FAT3: variants seen among roughly 807,000 people sequenced by gnomAD.
FAT3 encodes the protein FAT atypical cadherin 3, also known as protocadherin Fat 3.
FAT3 carries 95 observed loss-of-function variants against 310.2 expected under a neutral mutation model. The ratio of observed to expected loss-of-function variants is 0.31; its 90% CI spans 0.26 to 0.36. FAT3 has a LOEUF of 0.36. Ranked by LOEUF, FAT3 falls within the 10% of genes least tolerant of loss-of-function variation. The probability of loss-of-function intolerance (pLI) is 1.00; values close to 1 mark genes in which losing one functional copy is unlikely to be tolerated. For synonymous variants in FAT3, 2,314 were observed against 2,192.9 expected (o/e 1.06, Z -1.54); for missense variants, 5,408 against 5,715.6 (o/e 0.95, Z 1.74).
intron 2 of FAT3, among the ~76,000 whole-genome samples, chr11:92,437,230 T>C (rs1950959190): frequency 6.6e-6 from 1 of 152,222 alleles, no homozygotes; most frequent in Non-Finnish European, 1.5e-5. Flanking sequence ...ATATTTAAGC[T>C]ACTCTTAACA....
chr11:92,447,667 G>C (rs1212069816), intron 2 of FAT3, among the ~76,000 whole-genome samples: 2 of 150,650 alleles, frequency 1.3e-5, no homozygotes, highest in Admixed American at 6.6e-5. Flanking sequence ...TTCTTTTGCT[G>C]AATCTTTGTG....
chr11:92,315,220 A>C (rs201499503), intron 1 of FAT3, among the ~76,000 whole-genome samples: 1 of 150,210 alleles, frequency 6.7e-6, no homozygotes, highest in East Asian at 1.9e-4. Context: ...AAATGTAAAA[A>C]ACAGTGCCTA....
At position 92,801,244 on chromosome 11, in the gene FAT3, A is replaced by T; in HGVS notation, c.8231A>T (p.Asn2744Ile). 1 of 1,613,866 alleles carries T rather than the reference A, an allele frequency of 6.2e-7. No homozygotes were observed. Among genetic ancestry groups the T allele is most frequent in the Non-Finnish European group, 8.5e-7 (1 of 1,179,854 alleles). ...CAGAATGTCTGGTTCAGCACAGTTA[A>T]TGGGGAACGGCCAGAAAATAACAAA... ...PSQNVWFSTV[N>I]GERPENNKGG... Residue 2744 changes from asparagine (N) to isoleucine (I), a missense_variant, in exon 10 of 28, where the codon AAT (asparagine) becomes ATT (isoleucine). Physicochemically the swap from Asn to Ile is moderately radical, Grantham distance 149 (BLOSUM62 -3). Transcript: ENST00000525166.
chr11:92,604,221 T>C (rs1193334084), intron 3 of FAT3, among the ~76,000 whole-genome samples: 5 of 152,222 alleles, frequency 3.3e-5, no homozygotes, highest in African/African-American at 1.2e-4. Context: ...TAGCAAAATA[T>C]GCAAAAGGTG....
chr11:92,680,616 T>C (rs911233042), intron 3 of FAT3, among the ~76,000 whole-genome samples: 8 of 152,180 alleles, frequency 5.3e-5, no homozygotes, highest in African/African-American at 1.9e-4. Context: ...CATATGAATT[T>C]TACGGTTTTT....
chr11:92,570,009 G>C (rs1402246373), intron 3 of FAT3, among the ~76,000 whole-genome samples: 1 of 152,126 alleles, frequency 6.6e-6, no homozygotes, highest in Non-Finnish European at 1.5e-5. Flanking sequence ...GTCTCTGACA[G>C]CAGGGTCTCT....
intron 1 of FAT3, among the ~76,000 whole-genome samples, chr11:92,236,606 C>T (rs1397202361): frequency 6.6e-6 from 1 of 152,154 alleles, no homozygotes; most frequent in Non-Finnish European, 1.5e-5. Flanking sequence ...AACACCAAAT[C>T]CACAGGAGCA....
intron 2 of FAT3, among the ~76,000 whole-genome samples, chr11:92,492,546 A>G (rs1394556459): frequency 6.6e-6 from 1 of 152,094 alleles, no homozygotes; most frequent in African/African-American, 2.4e-5. Context: ...TATTGCTACT[A>G]TGACAATGAT....
At chr11:92,345,408 TACAG>T (rs1214881105) in intron 1 of FAT3, among the ~76,000 whole-genome samples, 1 of 152,116 alleles carries the variant, frequency 6.6e-6, no homozygotes, top group African/African-American at 2.4e-5. Flanking sequence ...AGAAATAAAA[TACAG>T]ACAATATTTA....
At chr11:92,776,724 T>C (rs1946607931) in intron 7 of FAT3, among the ~76,000 whole-genome samples, 1 of 152,204 alleles carries the variant, frequency 6.6e-6, no homozygotes, top group African/African-American at 2.4e-5. Context: ...AGGAAGTTAA[T>C]GAAGGGTGCC....
intron 3 of FAT3, among the ~76,000 whole-genome samples, chr11:92,544,286 A>G (rs1446008186): frequency 2.6e-5 from 4 of 152,168 alleles, no homozygotes; most frequent in Non-Finnish European, 5.9e-5. Flanking sequence ...AAGAAATAAG[A>G]CCTGGTGTTC....
At chr11:92,405,702 G>T (rs897637078) in intron 2 of FAT3, among the ~76,000 whole-genome samples, 1 of 152,178 alleles carries the variant, frequency 6.6e-6, no homozygotes, top group Admixed American at 6.5e-5. Context: ...AGTGAGCTGT[G>T]ATTACACCAC....
At chr11:92,622,935 G>A (rs961270876) in intron 3 of FAT3, among the ~76,000 whole-genome samples, 3 of 152,000 alleles carry the variant, frequency 2.0e-5, no homozygotes, top group Non-Finnish European at 4.4e-5. Context: ...CCCTACTCCT[G>A]GGTGGTTCCA....
chr11:92,754,627 CAAAA>C (rs71064722), intron 4 of FAT3, among the ~76,000 whole-genome samples: 5 of 32,716 alleles, frequency 1.5e-4, no homozygotes, highest in African/African-American at 9.2e-4. Context: ...GACTCTGCCT[CAAAA>C]AAAAAAAAAA....
intron 4 of FAT3, among the ~76,000 whole-genome samples, chr11:92,720,302 CT>C (rs775396836): frequency 3.2e-4 from 49 of 152,112 alleles, no homozygotes; most frequent in Non-Finnish European, 1.8e-4. Context: ...GATTGATTCT[CT>C]TCTTTTACCT....
chr11:92,482,957 G>A (rs1275761629), intron 2 of FAT3, among the ~76,000 whole-genome samples: 5 of 152,170 alleles, frequency 3.3e-5, no homozygotes, highest in Admixed American at 6.5e-5. Context: ...AGTTATCATC[G>A]TAAATCAAGA....
At chr11:92,509,935 G>A (rs566824858) in intron 2 of FAT3, among the ~76,000 whole-genome samples, 1 of 152,192 alleles carries the variant, frequency 6.6e-6, no homozygotes, top group South Asian at 2.1e-4. Flanking sequence ...TAAATGCAGA[G>A]ATTTGCCTAG....
At chr11:92,231,713 A>T (rs751685481) in intron 1 of FAT3, among the ~76,000 whole-genome samples, 4 of 152,212 alleles carry the variant, frequency 2.6e-5, no homozygotes, top group Admixed American at 6.5e-5. Flanking sequence ...ATCATTGAAC[A>T]TTATTTGATA....
At chr11:92,807,592 C>T (rs10830949) in intron 12 of FAT3, among the ~76,000 whole-genome samples, 47,481 of 152,000 alleles carry the variant, frequency 0.31, 7,648 homozygotes, top group Non-Finnish European at 0.33. Context: ...CAGGTTGCCA[C>T]GAAAACCAGA....
Sources: gnomAD v4.1 joint callset for allele counts (sites outside exome capture counted in the v4.1 genomes callset) on GRCh38, gnomAD v4.1.1 for gene constraint, MANE v1.5 for transcripts, NCBI Gene and HGNC (gene_info 2026-07-23, HGNC 2026-07-21) for gene names.